SV2B: variants seen among roughly 807,000 people sequenced by gnomAD.
SV2B encodes synaptic vesicle glycoprotein 2B.
In SV2B, 41 loss-of-function variants were observed where a neutral mutation model predicts 73.9. The observed-to-expected ratio is 0.56, with a 90% CI of 0.43 to 0.72. The LOEUF is 0.72. Among genes scored for constraint, SV2B ranks in the 30% least tolerant of loss-of-function variants. The probability of loss-of-function intolerance (pLI) is 0.00; values close to 1 mark genes in which losing one functional copy is unlikely to be tolerated. For synonymous variants in SV2B, 314 were observed against 314.2 expected, an observed-to-expected ratio of 1.00 and a Z score of 0.01; for missense variants, 764 against 857.8, an observed-to-expected ratio of 0.89 and a Z score of 1.37.
At chr15:91,221,627 C>G (rs1334740982) in intron 1 of SV2B, among the ~76,000 whole-genome samples, 1 of 151,638 alleles carries the variant, frequency 6.6e-6, no homozygotes, top group Non-Finnish European at 1.5e-5. Flanking sequence ...GTCTGTCCTT[C>G]CAGCCCCATG....
chr15:91,228,220 G>C (rs2046447988), intron 2 of SV2B, among the ~76,000 whole-genome samples: 1 of 152,110 alleles, frequency 6.6e-6, no homozygotes, highest in South Asian at 2.1e-4. Context: ...ATAACCCTGA[G>C]GGCACCAAAA....
intron 1 of SV2B, among the ~76,000 whole-genome samples, chr15:91,200,099 C>G (rs1318029615): frequency 6.6e-6 from 1 of 152,206 alleles, no homozygotes; most frequent in African/African-American, 2.4e-5. Context: ...ATTCAAGCCT[C>G]TCCTATTGCA....
intron 2 of SV2B, among the ~76,000 whole-genome samples, chr15:91,238,814 C>T (rs561730779): frequency 2.0e-4 from 31 of 152,196 alleles, no homozygotes; most frequent in South Asian, 4.2e-4. Flanking sequence ...AGAGATGATC[C>T]GTCACTAAGT....
intron 1 of SV2B, among the ~76,000 whole-genome samples, chr15:91,209,923 C>A (rs750096614): frequency 2.0e-5 from 3 of 152,178 alleles, no homozygotes; most frequent in Non-Finnish European, 4.4e-5. Context: ...AATATGTTTG[C>A]ATTCCTGGCA....
Position 91,232,693 on chromosome 15 carries a change from T to C in SV2B, c.451+5979T>C, listed in dbSNP as rs1235506988. Among the ~76,000 whole-genome samples the C allele has an allele frequency of 6.6e-6, 1 of 152,206 alleles. No homozygotes were observed. The highest frequency in any genetic ancestry group is 1.5e-5 in the Non-Finnish European group (1 of 68,038). ...GTGTGACATATTGTTATAGCAGTAG[T>C]TCCTTTTGAATTTTTCACGTTTAAA... On this transcript the variant is annotated intron_variant, in intron 2 of 12. Transcript: ENST00000394232. The surrounding 1 kb of genome is among the most constrained non-coding windows in gnomAD (Gnocchi z 4.7).
At chr15:91,171,143 T>C (rs1270217553) in intron 1 of SV2B, among the ~76,000 whole-genome samples, 1 of 152,052 alleles carries the variant, frequency 6.6e-6, no homozygotes, top group African/African-American at 2.4e-5. Context: ...ACTATTATGC[T>C]ATGGAAAAGG....
In SV2B at chr15:91,106,496, C is replaced by T. The variant is rs2041886497; in HGVS notation, c.-392+6133C>T. Among the ~76,000 whole-genome samples the T allele has an allele frequency of 6.6e-6, 1 of 151,202 alleles. No homozygotes were observed. The highest frequency in any genetic ancestry group is 2.4e-5 in the African/African-American group (1 of 41,006). On this transcript the variant is annotated intron_variant, in intron 1 of 12. Coordinates refer to ENST00000394232, the MANE Select transcript of SV2B (RefSeq NM_001323032.3). The surrounding 1 kb of genome is among the most constrained non-coding windows in gnomAD (Gnocchi z 4.4). The stretch of plus-strand genomic sequence containing the variant: ...TGCTTTGGTGGATTTTGAAGTGTAA[C>T]TCCTTGAAGTTATTTCCTTTCTTTA...
chr15:91,290,255 G>C lies in SV2B; in HGVS notation c.1868+575G>C, dbSNP rs948410037. Among the ~76,000 whole-genome samples the C allele has an allele frequency of 6.6e-6, 1 of 152,152 alleles. No homozygotes were observed. Among genetic ancestry groups the C allele is most frequent in the Admixed American group, 6.5e-5 (1 of 15,282 alleles). On this transcript the variant is annotated intron_variant, in intron 12 of 12. Transcript: ENST00000394232. The surrounding 1 kb of genome is among the most constrained non-coding windows in gnomAD (Gnocchi z 4.7). ...TAAAGTTTAAAGGAGAAGATAAGAG[G>C]CCCTGTGGTCAAAAAGGAATGTGAA...
chr15:91,224,370 C>G lies in SV2B; in HGVS notation c.-391-1503C>G, dbSNP rs2046309040. Among the ~76,000 whole-genome samples the G allele has an allele frequency of 6.6e-6, 1 of 151,946 alleles. No individual in the cohort carries two copies. Among genetic ancestry groups the G allele is most frequent in the African/African-American group, 2.4e-5 (1 of 41,360 alleles). On this transcript the variant is annotated intron_variant, in intron 1 of 12. Transcript: ENST00000394232. This position sits in a 1 kb window ranked among gnomAD's most constrained non-coding sequence, Gnocchi z 4.9. The stretch of plus-strand genomic sequence containing the variant: ...TGTGAGGTCCGAGCATTATCCCTAT[C>G]AGAGGGTCCAGCAGCTGGGAGCACT...
chr15:91,279,859 A>G (rs2048628128), intron 9 of SV2B, among the ~76,000 whole-genome samples: 1 of 152,234 alleles, frequency 6.6e-6, no homozygotes, highest in Non-Finnish European at 1.5e-5. Context: ...TCTTGTAACA[A>G]AAGACTCACC....
At chr15:91,194,281 C>G (rs978471309) in intron 1 of SV2B, among the ~76,000 whole-genome samples, 1 of 152,138 alleles carries the variant, frequency 6.6e-6, no homozygotes, top group African/African-American at 2.4e-5. Context: ...TCTCCCTCGG[C>G]TCTGCCCTGT....
chr15:91,242,343 C>T lies in SV2B; in HGVS notation c.452-9476C>T, dbSNP rs112643138. 0.02 allele frequency among the ~76,000 whole-genome samples: 2,994 copies of T among 152,300 alleles called. 37 individuals are homozygous for T. Among genetic ancestry groups the T allele is most frequent in the Middle Eastern group, 0.048 (14 of 294 alleles). On this transcript the variant is annotated intron_variant, in intron 2 of 12. Coordinates refer to ENST00000394232, the MANE Select transcript of SV2B (RefSeq NM_001323032.3). The surrounding 1 kb of genome is among the most constrained non-coding windows in gnomAD (Gnocchi z 4.9). ...GTTGTCTGCTTTCATTACCACCTTT[C>T]CTCTGGATGCCACCTTTAAAATGCA...
Position 91,243,128 on chromosome 15 carries a change from C to T in SV2B, c.452-8691C>T, listed in dbSNP as rs1025087039. On this transcript the variant is annotated intron_variant, in intron 2 of 12. Coordinates refer to ENST00000394232, the MANE Select transcript of SV2B (RefSeq NM_001323032.3). ...GACTATTCCTATATCTCATCAGACA[C>T]AATATTCCACCCTCTAGCAATGACC... Among the ~76,000 whole-genome samples the T allele has an allele frequency of 2.1e-4, 32 of 152,182 alleles. 1 individual carries two copies.
At chr15:91,164,785 A>G (rs1012881885) in intron 1 of SV2B, among the ~76,000 whole-genome samples, 1 of 152,226 alleles carries the variant, frequency 6.6e-6, no homozygotes, top group East Asian at 1.9e-4. Context: ...GTTTACACAC[A>G]TATAGATATG....
intron 1 of SV2B, among the ~76,000 whole-genome samples, chr15:91,160,713 C>T (rs1209947375): frequency 6.6e-6 from 1 of 151,960 alleles, no homozygotes; most frequent in Non-Finnish European, 1.5e-5. Context: ...CAAAATAGAT[C>T]CAAGGATAAA....
intron 1 of SV2B, among the ~76,000 whole-genome samples, chr15:91,155,147 C>T (rs1417323351): frequency 6.6e-6 from 1 of 152,094 alleles, no homozygotes; most frequent in African/African-American, 2.4e-5. Flanking sequence ...TTTCACTATC[C>T]AAGAGAAGCC....
intron 1 of SV2B, among the ~76,000 whole-genome samples, chr15:91,104,560 C>T (rs4587951): frequency 0.55 from 82,759 of 151,764 alleles, 23,405 homozygotes; most frequent in African/African-American, 0.6. Context: ...GCAAAATGTA[C>T]AGATACAGGG....
intron 1 of SV2B, among the ~76,000 whole-genome samples, chr15:91,112,054 A>T (rs1337446734): frequency 7.2e-6 from 1 of 139,438 alleles, no homozygotes; most frequent in East Asian, 2.3e-4. Context: ...AGATTTGGGC[A>T]GGGACACACA....
intron 1 of SV2B, among the ~76,000 whole-genome samples, chr15:91,216,465 CTTTT>C (rs372420934): frequency 2.7e-5 from 4 of 147,396 alleles, no homozygotes; most frequent in African/African-American, 1.0e-4. Context: ...TCTTTCTTTT[CTTTT>C]TTTTTTGTTT....
Sources: gnomAD v4.1 joint callset for allele counts (sites outside exome capture counted in the v4.1 genomes callset) on GRCh38, gnomAD v4.1.1 for gene constraint, Gnocchi (gnomAD v3.1) non-coding constraint, MANE v1.5 for transcripts, NCBI Gene and HGNC (gene_info 2026-07-23, HGNC 2026-07-21) for gene names.